CHD4: variants seen among roughly 807,000 people sequenced by gnomAD.
CHD4 encodes chromodomain helicase DNA binding protein 4.
A neutral mutation model predicts 235.5 loss-of-function variants in CHD4; 35 were observed. The ratio of observed to expected loss-of-function variants is 0.15; its 90% confidence interval spans 0.11 to 0.20. The LOEUF (loss-of-function observed/expected upper bound fraction) is 0.20. Ranked by LOEUF, CHD4 falls within the 10% of genes least tolerant of loss-of-function variation. CHD4 has a pLI of 1.00. For synonymous variants in CHD4, 900 were observed against 850.2 expected (o/e 1.06, Z -1.02); for missense variants, 1,329 against 2,432.3 (o/e 0.55, Z 9.54).
chr12:6,592,908 T>C (rs533910738), intron 17 of CHD4, 91 bp from the exon 18 acceptor site: 53 of 1,536,728 alleles, frequency 3.4e-5, no homozygotes, highest in Admixed American at 2.5e-4. Flanking sequence ...TGCCCAATAG[T>C]TAAGCATCCC....
At position 6,572,542 on chromosome 12, in the gene CHD4, G is replaced by A. The variant is rs1204794336; in HGVS notation, c.5557+532C>T. 2.0e-5 allele frequency among the ~76,000 whole-genome samples: 3 copies of A among 152,108 alleles called. No homozygotes were observed. In the South Asian group the frequency reaches 6.2e-4, roughly 31 times the overall value. ...ATCCAGGAGTTCAAGACCCACCTGGGCAAAATGGTGAGAGCCCATCTCTTT... is the reference window on the plus strand; with the variant it reads ...ATCCAGGAGTTCAAGACCCACCTGGACAAAATGGTGAGAGCCCATCTCTTT... On this transcript the variant is annotated intron_variant, in intron 38 of 39. Transcript: ENST00000544040.
intron 35 of CHD4, 66 bp downstream of exon 35, chr12:6,578,343 T>C: frequency 6.4e-7 from 1 of 1,572,242 alleles, no homozygotes; most frequent in Non-Finnish European, 8.7e-7. Context: ...TGTACCGTGG[T>C]TTCTGACAAG....
chr12:6,580,564 G>A (rs572758733), intron 33 of CHD4: 108 of 155,056 alleles, frequency 7.0e-4, no homozygotes, highest in Middle Eastern at 3.3e-3. Context: ...AAAATTAGCT[G>A]AGCATGGTGG....
In CHD4 at chr12:6,578,496, C is replaced by G; in HGVS notation, c.5032G>C (p.Glu1678Gln). 1 of 1,613,650 alleles carries G rather than the reference C, an allele frequency of 6.2e-7. No individual in the cohort carries two copies. The highest frequency in any genetic ancestry group is 1.3e-5 in the African/African-American group (1 of 74,972). Reference protein sequence around the residue: ...EKKEVMLQNGETPKDLNDEKQ... With the variant: ...EKKEVMLQNGQTPKDLNDEKQ... ...TCATCATTCAGGTCCTTGGGGGTCT[C>G]TCCATTCTGAAGCATCACCTCTTTT... Residue 1678 changes from glutamate (E) to glutamine (Q), a missense_variant, in exon 35 of 40, where the codon GAG (glutamate) becomes CAG (glutamine). Around this residue, in one of 26 missense-constraint regions of CHD4, gnomAD observed 219 missense variants for 219.3 expected, o/e 1.00. Transcript: ENST00000544040.
chr12:6,593,421 T>C lies in CHD4; in HGVS notation c.2509A>G (p.Met837Val). 2 of 1,614,008 alleles carry C rather than the reference T, an allele frequency of 1.2e-6. No individual in the cohort carries two copies. The highest frequency in any genetic ancestry group is 1.7e-6 in the Non-Finnish European group (2 of 1,179,894). Residue 837 changes from methionine (M) to valine (V), a missense_variant, in exon 16 of 40, where the codon ATG becomes GTG. Coordinates refer to ENST00000544040, the MANE Select transcript of CHD4 (RefSeq NM_001273.5). The surrounding 1 kb of genome is among the most constrained non-coding windows in gnomAD (Gnocchi z 4.9). ...GCTTCCCTCCCCTGAGATACCTTCA[T>C]GCGGGAGGCCTTCTTGCCACCACGA... Reference protein sequence around the residue: ...AIRGGKKASRMKKEASVKFHV... With the variant: ...AIRGGKKASRVKKEASVKFHV...
intron 22 of CHD4, among the ~76,000 whole-genome samples, chr12:6,589,436 T>C (rs1034570787): frequency 6.6e-6 from 1 of 152,228 alleles, no homozygotes; most frequent in African/African-American, 2.4e-5. Context: ...AGGGGACATA[T>C]GAACATCATG....
In CHD4 at chr12:6,581,271, T is replaced by C; in HGVS notation, c.4779+20A>G. On this transcript the variant is annotated intron_variant, in intron 32 of 39. Coordinates refer to ENST00000544040, the MANE Select transcript of CHD4 (RefSeq NM_001273.5). ...TACACATTTGTCTTTAGTATGGCAT[T>C]CAGTCACCCCATCTCTTACCTCAAT... 1 of 1,613,944 alleles carries C rather than the reference T, an allele frequency of 6.2e-7. No homozygotes were observed. Among genetic ancestry groups the C allele is most frequent in the South Asian group, 1.1e-5 (1 of 91,046 alleles).
intron 23 of CHD4, among the ~76,000 whole-genome samples, 155 bp from the exon 24 acceptor site, chr12:6,588,104 CCTCT>C (rs1948329878): frequency 6.6e-6 from 1 of 152,166 alleles, no homozygotes; most frequent in African/African-American, 2.4e-5. Flanking sequence ...CAGACACCAC[CCTCT>C]ATTATCATGT....
chr12:6,605,955 G>A (rs760978874), intron 2 of CHD4, among the ~76,000 whole-genome samples: 10 of 151,966 alleles, frequency 6.6e-5, no homozygotes, highest in Non-Finnish European at 1.2e-4. Context: ...AGCCTCCAGG[G>A]GTCCCAGCTA....
chr12:6,600,741 ACT>A, intron 7 of CHD4, 72 bp from the exon 8 acceptor site: 3 of 1,551,132 alleles, frequency 1.9e-6, no homozygotes, highest in Admixed American at 1.8e-5. Context: ...AGAGGGGAGT[ACT>A]CTCTCACTGG....
intron 33 of CHD4, chr12:6,580,232 C>A (rs11064262): frequency 0.073 from 7,867 of 107,098 alleles, 427 homozygotes; most frequent in East Asian, 0.28. Flanking sequence ...ATCTCGAAAA[C>A]AACAACAACA....
Position 6,592,758 on chromosome 12 carries a change from T to C in CHD4, c.2712A>G (p.Pro904=). Residue 904 remains proline (P), a synonymous_variant, in exon 18 of 40, where the codon CCA becomes CCG. Coordinates refer to ENST00000544040, the MANE Select transcript of CHD4 (RefSeq NM_001273.5). ...LQHKLLLTGT[P]LQNNLEELFH... is the part of the protein sequence containing the mutation. ...ACAACTCTTCCAGATTGTTTTGTAA[T>C]GGTGTCCCAGTCAGCAACAGCTTGT... 2.5e-6 allele frequency: 4 copies of C among 1,613,962 alleles called. No individual in the cohort carries two copies. Among genetic ancestry groups the C allele is most frequent in the Non-Finnish European group, 3.4e-6 (4 of 1,180,012 alleles).
At chr12:6,576,883 C>CTTA (rs1392490749) in intron 37 of CHD4, among the ~76,000 whole-genome samples, 1 of 152,020 alleles carries the variant, frequency 6.6e-6, no homozygotes, top group Non-Finnish European at 1.5e-5. Context: ...TACCTGAAGG[C>CTTA]TTATTAGTGT....
Position 6,599,953 on chromosome 12 carries a change from C to G in CHD4, c.1302G>C (p.Leu434=), listed in dbSNP as rs1948561343. 1.2e-6 allele frequency: 2 copies of G among 1,614,192 alleles called. No homozygotes were observed. The highest frequency in any genetic ancestry group is 8.5e-7 in the Non-Finnish European group (1 of 1,180,036). ...KEDNSEGEEI[L]EEVGGDLEEE... ...CTTCGAGGTCTCCCCCAACCTCTTC[C>G]AGGATCTCCTCACCCTCCGAATTGT... is the stretch of plus-strand genomic sequence containing the variant. The change falls in exon 10 of 40, where the codon CTG becomes CTC. Residue 434 remains leucine, a synonymous_variant. Transcript: ENST00000544040.
chr12:6,584,302 A>G (rs571608092), intron 25 of CHD4: 1 of 152,298 alleles, frequency 6.6e-6, no homozygotes, highest in African/African-American at 2.4e-5. Flanking sequence ...ATATTTTTGG[A>G]AAGATATAAA....
At chr12:6,604,294 T>C (rs1334694264) in intron 2 of CHD4, among the ~76,000 whole-genome samples, 2 of 151,886 alleles carry the variant, frequency 1.3e-5, no homozygotes, top group Non-Finnish European at 2.9e-5. Context: ...AAGAAAATAA[T>C]ATCCCTCCTT....
Position 6,587,691 on chromosome 12 carries a change from GTAAGTTCCTGA to G in CHD4, c.3703+10_3703+20del. 1 of 1,611,734 alleles carries G rather than the reference GTAAGTTCCTGA, an allele frequency of 6.2e-7. No individual in the cohort carries two copies. The highest frequency in any genetic ancestry group is 2.2e-5 in the East Asian group (1 of 44,834). On this transcript the variant is annotated intron_variant, in intron 24 of 39. Transcript: ENST00000544040. ...GAGAGGCCAAGCCCCACACCAAAAC[GTAAGTTCCTGA>G]CTACCTCACCTCCATCAGTGGCTTC...
intron 37 of CHD4, among the ~76,000 whole-genome samples, chr12:6,577,449 G>A (rs991230749): frequency 6.8e-6 from 1 of 145,998 alleles, no homozygotes; most frequent in Admixed American, 6.9e-5. Context: ...ACAACCAGCA[G>A]CCCACTGACT....
chr12:6,601,035 T>C lies in CHD4; in HGVS notation c.818A>G (p.Lys273Arg). The stretch of plus-strand genomic sequence containing the variant: ...AGGTACACGAGGGCTGCCCTTGGGC[T>C]TCCTCCGAGCATTGGGACCTAAAAT... ...KEGKGPNARR[K>R]PKGSPRVPDA... The change falls in exon 7 of 40, where the codon AAG (lysine) becomes AGG (arginine). Residue 273 changes from lysine to arginine, a missense_variant. By Grantham distance (26) the Lys-to-Arg change is conservative (BLOSUM62 2). This residue lies in a region of CHD4 where 160 missense variants were observed against 196.6 expected (regional missense o/e 0.81). Coordinates refer to ENST00000544040, the MANE Select transcript of CHD4 (RefSeq NM_001273.5). 6.3e-7 allele frequency: 1 copy of C among 1,584,810 alleles called. No homozygotes were observed. The highest frequency in any genetic ancestry group is 8.6e-7 in the Non-Finnish European group (1 of 1,169,410).
Sources: allele counts gnomAD v4.1 joint callset (sites outside exome capture counted in the v4.1 genomes callset), GRCh38; gene constraint gnomAD v4.1.1; regional missense constraint gnomAD v4.1.1; non-coding constraint Gnocchi (gnomAD v3.1); transcripts MANE v1.5; gene names NCBI Gene and HGNC (gene_info 2026-07-23, HGNC 2026-07-21).